The following CYTH3 variants were observed in gnomAD, a reference collection of about 807,000 sequenced individuals.
CYTH3 encodes the protein cytohesin-3.
Under a neutral mutation model 55.1 loss-of-function variants are expected in CYTH3, and 23 were observed. The observed-to-expected ratio is 0.42, with a 90% CI of 0.30 to 0.59. CYTH3 has a LOEUF of 0.59. Among genes scored for constraint, CYTH3 ranks in the 20% least tolerant of loss-of-function variants. The probability of loss-of-function intolerance (pLI) is 0.20; values close to 1 mark genes in which losing one functional copy is unlikely to be tolerated. For synonymous variants in CYTH3, 249 were observed against 194.9 expected, an observed-to-expected ratio of 1.28 and a Z score of -2.31; for missense variants, 413 against 524.8, an observed-to-expected ratio of 0.79 and a Z score of 2.08.
rs781725275 is a variant in CYTH3, at chr7:6,170,679, G to C, written c.712-33C>G. ...GAGGGAAAACAGCAGCCAGTTCAGA[G>C]ACTCGGAGGAAAATGGCTGGCCGGG... On this transcript the variant is annotated intron_variant, in intron 8 of 12. Coordinates refer to ENST00000350796, the MANE Select transcript of CYTH3 (RefSeq NM_004227.4). This position sits in a 1 kb window ranked among gnomAD's most constrained non-coding sequence, Gnocchi z 7.8. 6 of 1,600,932 alleles carry C rather than the reference G, an allele frequency of 3.7e-6. No individual in the cohort carries two copies. In the African/African-American group the frequency reaches 4.0e-5, roughly 11 times the overall value.
At chr7:6,252,545 T>C (rs900252026) in intron 1 of CYTH3, among the ~76,000 whole-genome samples, 5 of 152,174 alleles carry the variant, frequency 3.3e-5, no homozygotes, top group African/African-American at 7.2e-5. Context: ...TCATTTTTTT[T>C]CCCACCCTGC....
At chr7:6,272,410 G>GGGGGGGGGGGGGGGGGCGCC in intron 1 of CYTH3, 64 bp downstream of exon 1, 1 of 1,216,618 alleles carries the variant, frequency 8.2e-7, no homozygotes, top group Non-Finnish European at 1.1e-6. Context: ...CCGCGCCCTC[G>GGGGGGGGGGGGGGGGGCGCC]ACCCCCAGCC....
At chr7:6,186,399 C>A (rs978580021) in intron 4 of CYTH3, among the ~76,000 whole-genome samples, 1 of 152,140 alleles carries the variant, frequency 6.6e-6, no homozygotes, top group African/African-American at 2.4e-5. Context: ...AAATGTCCCC[C>A]AAAAAGCTTC....
At chr7:6,184,049 C>CTT (rs60634853) in intron 4 of CYTH3, among the ~76,000 whole-genome samples, 640 of 46,404 alleles carry the variant, frequency 0.014, 173 homozygotes, top group Middle Eastern at 0.022. Context: ...CCCTCTGTGG[C>CTT]TTTTTTTTTT....
chr7:6,234,394 C>CCA (rs1411880131), intron 1 of CYTH3, among the ~76,000 whole-genome samples: 2 of 152,212 alleles, frequency 1.3e-5, no homozygotes, highest in African/African-American at 4.8e-5. Context: ...TGCATCTGAG[C>CCA]CACAGAGCCT....
At chr7:6,255,096 T>C (rs906410689) in intron 1 of CYTH3, among the ~76,000 whole-genome samples, 7 of 152,208 alleles carry the variant, frequency 4.6e-5, no homozygotes, top group Admixed American at 2.6e-4. Context: ...ATCGTCGAGA[T>C]TTTTGATAAA....
At chr7:6,248,535 A>AAGGAGGACTGTGGCGCCC (rs1194146225) in intron 1 of CYTH3, among the ~76,000 whole-genome samples, 13 of 152,250 alleles carry the variant, frequency 8.5e-5, no homozygotes, top group African/African-American at 2.9e-4. Flanking sequence ...ATGCACCAGG[A>AAGGAGGACTGTGGCGCCC]AGGAGGACTG....
chr7:6,184,873 A>C (rs967271371), intron 4 of CYTH3, among the ~76,000 whole-genome samples: 6 of 152,204 alleles, frequency 3.9e-5, no homozygotes, highest in Non-Finnish European at 8.8e-5. Flanking sequence ...CCACCGCACC[A>C]GGACTCAGTA....
In CYTH3 at chr7:6,167,719, T is replaced by C. The variant is rs740134; in HGVS notation, c.824-1909A>G. Among the ~76,000 whole-genome samples the C allele has an allele frequency of 0.26, 39,482 of 152,172 alleles. 7,087 individuals are homozygous for C. Among genetic ancestry groups the C allele is most frequent in the African/African-American group, 0.52 (21,420 of 41,470 alleles). On this transcript the variant is annotated intron_variant, in intron 9 of 12. Coordinates refer to ENST00000350796, the MANE Select transcript of CYTH3 (RefSeq NM_004227.4). The surrounding 1 kb of genome is among the most constrained non-coding windows in gnomAD (Gnocchi z 5.5). ...CCCTGTTATCTGAGTCTCCAGTTCT[T>C]GGGGAGCTCATCCAGGAGCCCCCAG...
chr7:6,225,645 C>T lies in CYTH3; in HGVS notation c.35-35114G>A, dbSNP rs534722840. On this transcript the variant is annotated intron_variant, in intron 1 of 12. Transcript: ENST00000350796. ...TGCTGGGATTACAGGTATGAGCCAC[C>T]GAGCATGGCCTGAAAATATATATTT... 9.3e-5 allele frequency among the ~76,000 whole-genome samples: 14 copies of T among 151,322 alleles called. No homozygotes were observed. In the East Asian group the frequency reaches 2.0e-3, roughly 21 times the overall value.
intron 4 of CYTH3, among the ~76,000 whole-genome samples, chr7:6,185,003 C>T (rs1401828002): frequency 6.6e-6 from 1 of 152,162 alleles, no homozygotes; most frequent in East Asian, 1.9e-4. Flanking sequence ...AACATAAGAC[C>T]CAGTTCTGAG....
At chr7:6,269,099 G>A (rs1780584263) in intron 1 of CYTH3, among the ~76,000 whole-genome samples, 1 of 152,216 alleles carries the variant, frequency 6.6e-6, no homozygotes, top group Admixed American at 6.5e-5. Context: ...CCTGCCAGTG[G>A]CTCCCAGTGG....
intron 5 of CYTH3, among the ~76,000 whole-genome samples, chr7:6,176,521 A>G (rs1206058860): frequency 6.6e-6 from 1 of 152,076 alleles, no homozygotes; most frequent in Non-Finnish European, 1.5e-5. Flanking sequence ...TCGGCCTCCC[A>G]AAGCGCTGGG....
intron 1 of CYTH3, among the ~76,000 whole-genome samples, chr7:6,263,959 A>T (rs951911430): frequency 1.3e-5 from 2 of 150,950 alleles, no homozygotes; most frequent in Non-Finnish European, 3.0e-5. Flanking sequence ...TTTTAAAACC[A>T]ATTAGGGCCG....
At chr7:6,197,459 G>T (rs1189559641) in intron 1 of CYTH3, among the ~76,000 whole-genome samples, 1 of 152,212 alleles carries the variant, frequency 6.6e-6, no homozygotes, top group East Asian at 1.9e-4. Context: ...GAAGTGGGCG[G>T]ATCACCTAAG....
At chr7:6,172,709 C>G (rs1372416839) in intron 6 of CYTH3, 1 of 1,127,292 alleles carries the variant, frequency 8.9e-7, no homozygotes, top group African/African-American at 1.7e-5. Context: ...AGGGCCGCAC[C>G]AGACACCCCT....
At position 6,172,970 on chromosome 7, in the gene CYTH3, T is replaced by G. The variant is rs780801218; in HGVS notation, c.449+683A>C. On this transcript the variant is annotated intron_variant, in intron 6 of 12. Coordinates refer to ENST00000350796, the MANE Select transcript of CYTH3 (RefSeq NM_004227.4). ...CGAGAACAAGGTATGAAGCCGAAGA[T>G]TTGAGAAGATGACGAGGTGCGGCCT... The G allele has an allele frequency of 4.4e-6, 5 of 1,124,444 alleles. No homozygotes were observed. In the South Asian group the frequency reaches 7.2e-5, roughly 16 times the overall value. The allele number at this position is 1,124,444 out of a possible 1,614,324, so 69.7% of individuals were successfully genotyped here. A position where few individuals can be genotyped will look rare whatever the true frequency, so the allele number is the denominator to read the frequency against.
At chr7:6,269,775 C>T (rs1780603635) in intron 1 of CYTH3, among the ~76,000 whole-genome samples, 1 of 152,100 alleles carries the variant, frequency 6.6e-6, no homozygotes, top group African/African-American at 2.4e-5. Context: ...CCTTATCTTG[C>T]ATTGAAAGAA....
intron 3 of CYTH3, 91 bp from the exon 4 acceptor site, chr7:6,187,207 C>T (rs1386878434): frequency 2.8e-5 from 39 of 1,397,538 alleles, no homozygotes; most frequent in African/African-American, 7.1e-5. Context: ...CCCGCAACAA[C>T]GGGCTCAAGG....
Sources: allele counts gnomAD v4.1 joint callset (sites outside exome capture counted in the v4.1 genomes callset), GRCh38; gene constraint gnomAD v4.1.1; non-coding constraint Gnocchi (gnomAD v3.1); transcripts MANE v1.5; gene names NCBI Gene and HGNC (gene_info 2026-07-23, HGNC 2026-07-21).